Variants in NTM observed in about 807,000 individuals in gnomAD.
NTM encodes IgLON family member 2.
NTM carries 13 observed loss-of-function variants against 42.1 expected under a neutral mutation model. That is an observed-to-expected ratio of 0.31 (90% confidence interval 0.20 to 0.49). The LOEUF is 0.49. NTM is among the 20% of genes least tolerant of loss of function. The pLI is 0.99. For synonymous variants in NTM, 187 were observed against 179.2 expected (o/e 1.04, Z -0.35); for missense variants, 373 against 452.8 (o/e 0.82, Z 1.60).
rs149747833 is a variant in NTM, at chr11:131,669,184, AAGAGAG to A, written c.83-242364_83-242359del. On this transcript the variant is annotated intron_variant, in intron 1 of 8. Coordinates refer to ENST00000683400, the MANE Select transcript of NTM (RefSeq NM_001352005.2). ...TTTAACTAGAAGTTTCCCCCATCCA[AAGAGAG>A]AGAGAGAGAGAGAGAACAAGGCTGA... Among the ~76,000 whole-genome samples the A allele has an allele frequency of 5.3e-3, 797 of 149,820 alleles. 7 individuals are homozygous for A. The highest frequency in any genetic ancestry group is 0.019 in the African/African-American group (762 of 41,032).
At chr11:131,516,952 A>G (rs1288343534) in intron 1 of NTM, among the ~76,000 whole-genome samples, 1 of 152,220 alleles carries the variant, frequency 6.6e-6, no homozygotes, top group East Asian at 1.9e-4. Context: ...GGAAAAGAGA[A>G]TATGACATAT....
intron 2 of NTM, among the ~76,000 whole-genome samples, chr11:131,967,818 A>C (rs1039078756): frequency 2.6e-5 from 4 of 152,102 alleles, no homozygotes; most frequent in Non-Finnish European, 2.9e-5. Flanking sequence ...GTATTTTAGA[A>C]ATCTGGTTTC....
intron 1 of NTM, among the ~76,000 whole-genome samples, chr11:131,674,207 T>A (rs2070949679): frequency 6.6e-6 from 1 of 152,186 alleles, no homozygotes. Context: ...GCAGACGTGC[T>A]GCACAAGTGC....
chr11:131,978,642 A>G (rs961404840), intron 2 of NTM, among the ~76,000 whole-genome samples: 6 of 152,110 alleles, frequency 3.9e-5, no homozygotes, highest in South Asian at 2.1e-4. Context: ...CTAAGGCTCT[A>G]TGGAACACTA....
rs749711167 is a variant in NTM at position 132,203,620 on chromosome 11, G to A, written c.401-8402G>A. ...ATTTCCATTTGAAAAAACACTGCGC[G>A]GTGGCACATGCCTGTAATCCCAGCA... On this transcript the variant is annotated intron_variant, in intron 3 of 8. Transcript: ENST00000683400. Among the ~76,000 whole-genome samples, 10 of 152,228 alleles carry A rather than the reference G, an allele frequency of 6.6e-5. No individual in the cohort carries two copies. The East Asian group carries it at 1.2e-3, about 18-fold the overall frequency.
intron 1 of NTM, chr11:131,537,640 T>G (rs974244172): frequency 6.6e-6 from 1 of 152,288 alleles, no homozygotes; most frequent in African/African-American, 2.4e-5. Flanking sequence ...TGAGTATGTC[T>G]GCACAATTTT....
At chr11:132,067,331 A>G (rs2056671831) in intron 2 of NTM, among the ~76,000 whole-genome samples, 1 of 152,170 alleles carries the variant, frequency 6.6e-6, no homozygotes, top group African/African-American at 2.4e-5. Flanking sequence ...CCACATGCAA[A>G]ATACATTTTC....
At position 132,216,811 on chromosome 11, in the gene NTM, A is replaced by G. The variant is rs1400693152; in HGVS notation, c.526+4664A>G. Among the ~76,000 whole-genome samples, 4 of 152,204 alleles carry G rather than the reference A, an allele frequency of 2.6e-5. No homozygotes were observed. In the East Asian group the frequency reaches 7.7e-4, roughly 29 times the overall value. On this transcript the variant is annotated intron_variant, in intron 4 of 8. Transcript: ENST00000683400. ...AGTTCAAAGACTATCTTGATCCTTCAGAAGTTGTCCTTCACTTTGATGTTG... is the reference window on the plus strand; with the variant it reads ...AGTTCAAAGACTATCTTGATCCTTCGGAAGTTGTCCTTCACTTTGATGTTG...
chr11:131,662,321 C>T (rs1022736074), intron 1 of NTM: 22 of 152,200 alleles, frequency 1.4e-4, no homozygotes, highest in African/African-American at 4.8e-4. Flanking sequence ...GCCATGTCCC[C>T]GTCCTGTGGT....
intron 1 of NTM, among the ~76,000 whole-genome samples, chr11:131,388,561 G>T (rs1362518370): frequency 6.6e-6 from 1 of 151,906 alleles, no homozygotes; most frequent in Admixed American, 6.6e-5. Flanking sequence ...GTGTCTAAAA[G>T]GTAGAAGTGG....
chr11:131,926,434 A>G (rs949797654), intron 2 of NTM, among the ~76,000 whole-genome samples: 1 of 152,148 alleles, frequency 6.6e-6, no homozygotes, highest in Non-Finnish European at 1.5e-5. Flanking sequence ...ACGATGGTCA[A>G]GGTGGTGAAC....
intron 2 of NTM, among the ~76,000 whole-genome samples, chr11:131,976,144 C>CT (rs1555201555): frequency 1.3e-5 from 2 of 149,574 alleles, no homozygotes; most frequent in Non-Finnish European, 3.0e-5. Context: ...TCCTTCCTTC[C>CT]TTCCTTCCTT....
chr11:132,225,598 C>T (rs1592344315), intron 4 of NTM, among the ~76,000 whole-genome samples: 1 of 152,118 alleles, frequency 6.6e-6, no homozygotes, highest in Non-Finnish European at 1.5e-5. Context: ...CATGCATGAA[C>T]CTGAAAACCA....
At chr11:131,552,990 G>A (rs539218780) in intron 1 of NTM, among the ~76,000 whole-genome samples, 1 of 152,248 alleles carries the variant, frequency 6.6e-6, no homozygotes, top group South Asian at 2.1e-4. Flanking sequence ...AAGCTACAGT[G>A]GCCAGAAAAA....
chr11:131,635,674 ATTAAT>A (rs1400794757), intron 1 of NTM, among the ~76,000 whole-genome samples: 1 of 152,112 alleles, frequency 6.6e-6, no homozygotes, highest in Non-Finnish European at 1.5e-5. Context: ...TTTAATTTTT[ATTAAT>A]TTAGTGTATT....
intron 1 of NTM, among the ~76,000 whole-genome samples, chr11:131,871,346 A>G (rs1230640763): frequency 6.6e-6 from 1 of 152,174 alleles, no homozygotes; most frequent in African/African-American, 2.4e-5. Context: ...CTTCATATAT[A>G]TTTTAACATC....
At chr11:132,129,921 C>A (rs1204008546) in intron 2 of NTM, among the ~76,000 whole-genome samples, 1 of 152,162 alleles carries the variant, frequency 6.6e-6, no homozygotes, top group Admixed American at 6.5e-5. Flanking sequence ...TTTTCTTGTG[C>A]AGTTTTGGTC....
intron 2 of NTM, among the ~76,000 whole-genome samples, chr11:131,966,523 T>C (rs1159249863): frequency 1.3e-5 from 2 of 152,168 alleles, no homozygotes; most frequent in Non-Finnish European, 1.5e-5. Flanking sequence ...ATGGAGGCGA[T>C]GTTTAGCAAT....
intron 1 of NTM, among the ~76,000 whole-genome samples, chr11:131,706,208 CT>C (rs940215615): frequency 2.0e-5 from 3 of 151,684 alleles, no homozygotes; most frequent in Admixed American, 2.0e-4. Context: ...AAAAAATAGA[CT>C]TTAAGTCAAA....
Sources: allele counts gnomAD v4.1 joint callset (sites outside exome capture counted in the v4.1 genomes callset), GRCh38; gene constraint gnomAD v4.1.1; transcripts MANE v1.5; gene names NCBI Gene and HGNC (gene_info 2026-07-23, HGNC 2026-07-21).